Variants in ATOSA observed in about 807,000 individuals in gnomAD.
The protein encoded by ATOSA is atos homolog protein A.
the ATOSA span, among the ~76,000 whole-genome samples, chr15:52,618,739 C>G: frequency 6.6e-6 from 1 of 152,084 alleles, no homozygotes; most frequent in Non-Finnish European, 1.5e-5. Flanking sequence ...GGTTGGAGTG[C>G]AGTGGCGTGA....
At chr15:52,643,032 A>T in the ATOSA span, among the ~76,000 whole-genome samples, 2 of 151,716 alleles carry the variant, frequency 1.3e-5, no homozygotes, top group African/African-American at 4.8e-5. Flanking sequence ...CACCTGCCAA[A>T]CTCATTCTCT....
chr15:52,636,829 A>C, the ATOSA span, among the ~76,000 whole-genome samples: 3 of 152,284 alleles, frequency 2.0e-5, no homozygotes, highest in South Asian at 2.1e-4. Flanking sequence ...GCCTGCATGT[A>C]GAGCTAGGTG....
the ATOSA span, among the ~76,000 whole-genome samples, chr15:52,671,296 A>G: frequency 1.3e-5 from 2 of 152,254 alleles, no homozygotes; most frequent in Admixed American, 6.5e-5. Flanking sequence ...TAAAATTGTG[A>G]TAACAGCCTA....
chr15:52,596,947 G>A, the ATOSA span, among the ~76,000 whole-genome samples: 1 of 152,134 alleles, frequency 6.6e-6, no homozygotes, highest in Non-Finnish European at 1.5e-5. Flanking sequence ...AGTAAGTGCA[G>A]GAAAAGAGGA....
At chr15:52,657,556 A>G in the ATOSA span, 2 of 152,162 alleles carry the variant, frequency 1.3e-5, no homozygotes, top group East Asian at 3.8e-4. Flanking sequence ...CATCCTCCCA[A>G]TTCCCTAAGC....
At chr15:52,694,029 G>T in the ATOSA span, among the ~76,000 whole-genome samples, 1 of 151,934 alleles carries the variant, frequency 6.6e-6, no homozygotes, top group African/African-American at 2.4e-5. Flanking sequence ...TGACTACTTT[G>T]CATTTTTATA....
chr15:52,705,251 G>A, the ATOSA span, among the ~76,000 whole-genome samples: 2 of 151,754 alleles, frequency 1.3e-5, no homozygotes, highest in Non-Finnish European at 2.9e-5. Context: ...AAACTATCAC[G>A]AGGACAGAAA....
chr15:52,614,139 C>G, the ATOSA span, among the ~76,000 whole-genome samples: 5 of 151,768 alleles, frequency 3.3e-5, no homozygotes, highest in African/African-American at 1.2e-4. Flanking sequence ...GAGTTTCATT[C>G]TTTTTGTCCA....
the ATOSA span, chr15:52,600,055 G>T: frequency 1.6e-6 from 1 of 618,978 alleles, no homozygotes; most frequent in Non-Finnish European, 2.8e-6. Flanking sequence ...CAAAGTTAAA[G>T]ACATATAAAA....
the ATOSA span, among the ~76,000 whole-genome samples, chr15:52,654,888 T>C: frequency 1.3e-5 from 2 of 151,968 alleles, no homozygotes; most frequent in Non-Finnish European, 2.9e-5. Flanking sequence ...TCAAAGGTAA[T>C]GTTCAAATGG....
chr15:52,601,236 C>T, the ATOSA span: 1 of 918,030 alleles, frequency 1.1e-6, no homozygotes, highest in Non-Finnish European at 1.6e-6. Flanking sequence ...TGATAAAACA[C>T]TTTTTAAATG....
chr15:52,636,672 C>G, the ATOSA span, among the ~76,000 whole-genome samples: 1 of 152,152 alleles, frequency 6.6e-6, no homozygotes, highest in African/African-American at 2.4e-5. Flanking sequence ...GTCACCCAGT[C>G]TATCGTATTT....
chr15:52,633,403 G>A, the ATOSA span, among the ~76,000 whole-genome samples: 1 of 152,178 alleles, frequency 6.6e-6, no homozygotes, highest in Admixed American at 6.5e-5. Context: ...TGTTATCCCA[G>A]GTGGGGAAAT....
chr15:52,582,756 G>A, the ATOSA span, among the ~76,000 whole-genome samples: 21 of 152,110 alleles, frequency 1.4e-4, no homozygotes, highest in Non-Finnish European at 1.8e-4. Flanking sequence ...TGGGGTAGAT[G>A]ATAAAAAACT....
chr15:52,673,526 G>A, the ATOSA span, among the ~76,000 whole-genome samples: 1 of 152,176 alleles, frequency 6.6e-6, no homozygotes, highest in East Asian at 1.9e-4. Context: ...TTGAGTATCT[G>A]TGAGGATTAA....
chr15:52,597,648 T>C, the ATOSA span, among the ~76,000 whole-genome samples: 1 of 152,216 alleles, frequency 6.6e-6, no homozygotes, highest in African/African-American at 2.4e-5. Context: ...GGTTGTATTA[T>C]GCTGGACTGA....
the ATOSA span, chr15:52,657,812 A>AT: frequency 6.6e-6 from 1 of 152,228 alleles, no homozygotes; most frequent in Non-Finnish European, 1.5e-5. Flanking sequence ...TGTAGAATTA[A>AT]TGTGTGTAAA....
chr15:52,621,163 A>G, the ATOSA span, among the ~76,000 whole-genome samples: 1 of 152,230 alleles, frequency 6.6e-6, no homozygotes, highest in African/African-American at 2.4e-5. Flanking sequence ...ACTGTGGTCC[A>G]GTTAGATCTA....
At chr15:52,597,173 C>CTATTCTATTT in the ATOSA span, among the ~76,000 whole-genome samples, 4 of 5,578 alleles carry the variant, frequency 7.2e-4, no homozygotes, top group Non-Finnish European at 1.1e-3. Context: ...CTGTTCTATT[C>CTATTCTATTT]TATTCTATTC....
Sources: gnomAD v4.1 joint callset for allele counts (sites outside exome capture counted in the v4.1 genomes callset) on GRCh38, gnomAD v4.1.1 for gene constraint, MANE v1.5 for transcripts, NCBI Gene and HGNC (gene_info 2026-07-23, HGNC 2026-07-21) for gene names.